The following SYT14 variants were observed in gnomAD, a reference collection of about 807,000 sequenced individuals.
The protein encoded by SYT14 is synaptotagmin 14.
SYT14 carries 32 observed loss-of-function variants against 74.2 expected under a neutral mutation model. The ratio of observed to expected loss-of-function variants is 0.43; its 90% CI spans 0.33 to 0.58. The LOEUF (loss-of-function observed/expected upper bound fraction) is 0.58. SYT14 is among the 20% of genes least tolerant of loss of function. The probability of loss-of-function intolerance (pLI) is 0.05; values close to 1 mark genes in which losing one functional copy is unlikely to be tolerated. For missense variants in SYT14, 791 were observed against 981.8 expected (o/e 0.81, Z 2.60); for synonymous variants, 298 against 337.7 (o/e 0.88, Z 1.29).
At chr1:210,058,704 G>T (rs2081145322) in intron 5 of SYT14, among the ~76,000 whole-genome samples, 1 of 152,194 alleles carries the variant, frequency 6.6e-6, no homozygotes, top group Admixed American at 6.5e-5. Context: ...CTAGAGTGAG[G>T]TTTAGGGTAC....
At chr1:210,021,012 G>C (rs767356786) in intron 4 of SYT14, 27 bp from the exon 4 acceptor site, 1 of 1,606,450 alleles carries the variant, frequency 6.2e-7, no homozygotes, top group African/African-American at 1.3e-5. Context: ...TTCAATTACC[G>C]TTTGTTCTTC....
intron 7 of SYT14, among the ~76,000 whole-genome samples, chr1:210,146,039 T>A (rs887998330): frequency 1.3e-5 from 2 of 152,120 alleles, no homozygotes; most frequent in African/African-American, 4.8e-5. Context: ...TTTCCTTCAG[T>A]AAGATAAAAA....
At chr1:209,997,131 A>G (rs138876873) in intron 2 of SYT14, among the ~76,000 whole-genome samples, 256 of 149,516 alleles carry the variant, frequency 1.7e-3, no homozygotes, top group African/African-American at 6.1e-3. Flanking sequence ...AGGCAAGGGA[A>G]AAATAAAAGG....
At chr1:209,968,803 T>A (rs2079197706) in intron 2 of SYT14, among the ~76,000 whole-genome samples, 1 of 151,990 alleles carries the variant, frequency 6.6e-6, no homozygotes, top group African/African-American at 2.4e-5. Flanking sequence ...ATGGGTATTT[T>A]GTGTGATGGT....
intron 7 of SYT14, among the ~76,000 whole-genome samples, chr1:210,154,446 A>C (rs1247847379): frequency 6.6e-6 from 1 of 152,204 alleles, no homozygotes; most frequent in East Asian, 1.9e-4. Context: ...CGCTGGTGCC[A>C]AAAAGGTTGG....
chr1:209,982,094 G>C (rs2079497442), intron 2 of SYT14, among the ~76,000 whole-genome samples: 1 of 152,020 alleles, frequency 6.6e-6, no homozygotes, highest in Non-Finnish European at 1.5e-5. Context: ...AAGAATGCCA[G>C]TAATTCATAG....
intron 6 of SYT14, among the ~76,000 whole-genome samples, chr1:210,097,839 T>G (rs1463792298): frequency 6.6e-6 from 1 of 152,226 alleles, no homozygotes; most frequent in African/African-American, 2.4e-5. Context: ...TTCTGTTGTT[T>G]TTTTTCCTGC....
At chr1:210,164,010 G>A (rs1263028958) in exon 10 of SYT14, 8 of 453,068 alleles carry the variant, frequency 1.8e-5, no homozygotes, top group South Asian at 1.2e-4. Context: ...GGCATTTATG[G>A]GAGCCTCTAA....
At chr1:209,982,480 T>C (rs2102804707) in intron 2 of SYT14, among the ~76,000 whole-genome samples, 1 of 152,360 alleles carries the variant, frequency 6.6e-6, no homozygotes, top group Non-Finnish European at 1.5e-5. Context: ...GTGACTGGGT[T>C]AGTTTAAAAC....
rs112691726 is a variant in SYT14, at chr1:210,154,252, A to G, written c.2035-1469A>G. 7.9e-3 allele frequency among the ~76,000 whole-genome samples: 1,203 copies of G among 151,532 alleles called. 14 individuals are homozygous for G. The highest frequency in any genetic ancestry group is 0.028 in the African/African-American group (1,138 of 40,994). On this transcript the variant is annotated intron_variant, in intron 7 of 9. Transcript: ENST00000637265. ...AAGATGTCTATTTCAGAGGTCTCCA[A>G]CCCCCCGGCCACAGACCAGTACCAG... is the stretch of plus-strand genomic sequence containing the variant.
chr1:209,947,158 A>T (rs1003126325), intron 1 of SYT14, among the ~76,000 whole-genome samples: 1 of 152,204 alleles, frequency 6.6e-6, no homozygotes, highest in Non-Finnish European at 1.5e-5. Context: ...CAAGGAGATG[A>T]AGGTTGTTTT....
intron 2 of SYT14, among the ~76,000 whole-genome samples, chr1:209,988,818 G>A (rs1330286883): frequency 6.6e-6 from 1 of 152,078 alleles, no homozygotes; most frequent in Non-Finnish European, 1.5e-5. Context: ...GCCTCTGATT[G>A]TTTCCTTACA....
At position 210,064,979 on chromosome 1, in the gene SYT14, C is replaced by T. The variant is rs552650599; in HGVS notation, c.1313-29343C>T. ...TGGTAGCCATTCTAGTGGGTATAAA[C>T]TAGTATCTCATTATGGTTTTGATTT... On this transcript the variant is annotated intron_variant, in intron 5 of 9. Transcript: ENST00000637265. Among the ~76,000 whole-genome samples, 16 of 152,088 alleles carry T rather than the reference C, an allele frequency of 1.1e-4. No homozygotes were observed. In the South Asian group the frequency reaches 3.1e-3, roughly 30 times the overall value.
chr1:209,991,817 G>C (rs563788871), intron 2 of SYT14, among the ~76,000 whole-genome samples: 9 of 150,590 alleles, frequency 6.0e-5, no homozygotes, highest in Non-Finnish European at 8.9e-5. Context: ...GCGATAAAGC[G>C]AGACTCCGTC....
chr1:210,131,371 G>C (rs1371083904), intron 7 of SYT14, among the ~76,000 whole-genome samples: 1 of 151,834 alleles, frequency 6.6e-6, no homozygotes, highest in Non-Finnish European at 1.5e-5. Context: ...TATATGAATA[G>C]TCTTATTAAT....
intron 2 of SYT14, 51 bp downstream of exon 2, chr1:209,952,807 A>C: frequency 6.8e-7 from 1 of 1,481,296 alleles, no homozygotes; most frequent in Non-Finnish European, 9.4e-7. Flanking sequence ...ATACTTCCAA[A>C]GTGTATAATA....
At chr1:210,001,837 G>A (rs1270846833) in intron 2 of SYT14, among the ~76,000 whole-genome samples, 6 of 152,134 alleles carry the variant, frequency 3.9e-5, no homozygotes, top group African/African-American at 1.4e-4. Context: ...AAAACAACCT[G>A]GCTAATATGT....
At chr1:210,031,724 A>G (rs1417705365) in intron 5 of SYT14, among the ~76,000 whole-genome samples, 1 of 152,010 alleles carries the variant, frequency 6.6e-6, no homozygotes, top group Non-Finnish European at 1.5e-5. Context: ...GTTATCCTTT[A>G]ATATCATTGT....
intron 2 of SYT14, among the ~76,000 whole-genome samples, chr1:209,985,399 T>G (rs2079553777): frequency 6.6e-6 from 1 of 152,260 alleles, no homozygotes; most frequent in African/African-American, 2.4e-5. Context: ...ACGTCCTATA[T>G]TCAGGGCACA....
Sources: gnomAD v4.1 joint callset for allele counts (sites outside exome capture counted in the v4.1 genomes callset) on GRCh38, gnomAD v4.1.1 for gene constraint, MANE v1.5 for transcripts, NCBI Gene and HGNC (gene_info 2026-07-23, HGNC 2026-07-21) for gene names.